RNF180: variants seen among roughly 807,000 people sequenced by gnomAD.
RNF180 encodes ring finger protein 180.
Under a neutral mutation model 59.2 loss-of-function variants are expected in RNF180, and 38 were observed. The observed-to-expected ratio is 0.64, with a 90% confidence interval of 0.50 to 0.84. The LOEUF (loss-of-function observed/expected upper bound fraction) is 0.84. RNF180 is among the 40% of genes least tolerant of loss of function. The pLI is 0.00. For missense variants in RNF180, 705 were observed against 700.9 expected (o/e 1.01, Z -0.07); for synonymous variants, 262 against 240.3 (o/e 1.09, Z -0.84).
intron 5 of RNF180, among the ~76,000 whole-genome samples, chr5:64,234,879 G>A (rs574667069): frequency 3.3e-5 from 5 of 152,096 alleles, no homozygotes; most frequent in South Asian, 4.1e-4. Flanking sequence ...GATTACAGGC[G>A]TGAGCCACTG....
At chr5:64,193,951 A>G (rs948135744) in intron 1 of RNF180, among the ~76,000 whole-genome samples, 1 of 152,294 alleles carries the variant, frequency 6.6e-6, no homozygotes. Context: ...GCATGAGGTT[A>G]TATTGATGAG....
intron 6 of RNF180, among the ~76,000 whole-genome samples, chr5:64,326,652 A>G (rs1476993454): frequency 2.6e-5 from 4 of 152,068 alleles, no homozygotes; most frequent in African/African-American, 4.8e-5. Context: ...CCATCCTTGC[A>G]TTTGTTGGAT....
chr5:64,175,157 G>T (rs1750164966), intron 1 of RNF180, among the ~76,000 whole-genome samples: 1 of 151,734 alleles, frequency 6.6e-6, no homozygotes, highest in Non-Finnish European at 1.5e-5. Context: ...AGTAAAGATG[G>T]GGTTTCTCCA....
chr5:64,323,814 G>T (rs1744492704), intron 5 of RNF180, among the ~76,000 whole-genome samples: 2 of 152,156 alleles, frequency 1.3e-5, no homozygotes, highest in Admixed American at 6.5e-5. Flanking sequence ...TTTCACAAAT[G>T]AGGAAGTTGT....
intron 5 of RNF180, among the ~76,000 whole-genome samples, chr5:64,278,242 C>T (rs569191444): frequency 1.3e-5 from 2 of 152,170 alleles, no homozygotes; most frequent in East Asian, 1.9e-4. Context: ...TCTCATCCAC[C>T]GGTTAGTAAT....
chr5:64,317,325 GTAT>G (rs764482868), intron 5 of RNF180, among the ~76,000 whole-genome samples: 4 of 151,954 alleles, frequency 2.6e-5, no homozygotes, highest in African/African-American at 9.7e-5. Context: ...GTGTGCAATA[GTAT>G]TATGTGTAAA....
chr5:64,208,200 C>A (rs1353078635), intron 2 of RNF180, among the ~76,000 whole-genome samples: 1 of 152,000 alleles, frequency 6.6e-6, no homozygotes, highest in Non-Finnish European at 1.5e-5. Context: ...CAAATTATTT[C>A]ATTTACAAAC....
intron 1 of RNF180, among the ~76,000 whole-genome samples, chr5:64,169,777 A>C (rs1216629347): frequency 6.6e-6 from 1 of 152,242 alleles, no homozygotes; most frequent in African/African-American, 2.4e-5. Context: ...GTTAATACCT[A>C]GTATAACTTT....
intron 5 of RNF180, among the ~76,000 whole-genome samples, chr5:64,317,589 C>T (rs910626783): frequency 7.2e-6 from 1 of 138,164 alleles, no homozygotes; most frequent in African/African-American, 3.0e-5. Context: ...CATATATATA[C>T]ATATTTATAC....
At chr5:64,247,768 C>T (rs1175368801) in intron 5 of RNF180, among the ~76,000 whole-genome samples, 9 of 152,198 alleles carry the variant, frequency 5.9e-5, no homozygotes, top group Admixed American at 5.9e-4. Flanking sequence ...CTTTAAATTT[C>T]TTATGGAACC....
At chr5:64,230,191 A>G (rs1274964815) in intron 5 of RNF180, among the ~76,000 whole-genome samples, 1 of 152,224 alleles carries the variant, frequency 6.6e-6, no homozygotes, top group Non-Finnish European at 1.5e-5. Context: ...TTTTAAGGAA[A>G]TGAAGGTACT....
intron 1 of RNF180, among the ~76,000 whole-genome samples, chr5:64,174,859 A>G (rs1750141502): frequency 6.6e-6 from 1 of 151,998 alleles, no homozygotes; most frequent in Admixed American, 6.6e-5. Context: ...GTCTTATCCA[A>G]AAAATCATTG....
chr5:64,194,246 C>T (rs1395002567), intron 1 of RNF180, among the ~76,000 whole-genome samples: 4 of 152,024 alleles, frequency 2.6e-5, no homozygotes, highest in African/African-American at 9.7e-5. Flanking sequence ...TGAGTGAGAA[C>T]ATGCAGTGTT....
chr5:64,353,102 A>G (rs556724427), intron 7 of RNF180, among the ~76,000 whole-genome samples: 5 of 151,848 alleles, frequency 3.3e-5, no homozygotes, highest in South Asian at 2.1e-4. Context: ...TCTCTAGGCT[A>G]TATTTGCTGT....
intron 1 of RNF180, among the ~76,000 whole-genome samples, chr5:64,187,137 C>G (rs1403526141): frequency 1.3e-5 from 2 of 152,078 alleles, no homozygotes; most frequent in African/African-American, 4.8e-5. Context: ...GCATTCAAGA[C>G]TAAGTGCCTG....
At chr5:64,181,101 G>A (rs2111944059) in intron 1 of RNF180, among the ~76,000 whole-genome samples, 1 of 152,266 alleles carries the variant, frequency 6.6e-6, no homozygotes, top group Admixed American at 6.5e-5. Context: ...GAAAAATGAA[G>A]GCTGGATGAC....
At chr5:64,166,499 G>T (rs1749649036) in intron 1 of RNF180, among the ~76,000 whole-genome samples, 1 of 152,096 alleles carries the variant, frequency 6.6e-6, no homozygotes, top group South Asian at 2.1e-4. Context: ...ACGACTTTCT[G>T]CTAGGCAGAG....
At position 64,337,004 on chromosome 5, in the gene RNF180, G is replaced by GT. The variant is rs926765536; in HGVS notation, c.1579+6608dup. ...ACTTTGATTTTCTTTTTTTGTTGTT[G>GT]TTTTTTTTTTGTTTTTGTTTTTGTT... On this transcript the variant is annotated intron_variant, in intron 7 of 7. Coordinates refer to ENST00000389100, the MANE Select transcript of RNF180 (RefSeq NM_001113561.2). Among the ~76,000 whole-genome samples, 698 of 143,848 alleles carry GT rather than the reference G, an allele frequency of 4.9e-3. 4 individuals carry two copies. The highest frequency in any genetic ancestry group is 0.013 in the African/African-American group (524 of 39,414). The allele number at this position is 143,848 out of a possible 152,430, so 94.4% of individuals were successfully genotyped here. A position where few individuals can be genotyped will look rare whatever the true frequency, so the allele number is the denominator to read the frequency against.
intron 7 of RNF180, among the ~76,000 whole-genome samples, chr5:64,350,451 G>T (rs1745753452): frequency 6.6e-6 from 1 of 152,054 alleles, no homozygotes; most frequent in Non-Finnish European, 1.5e-5. Flanking sequence ...TGTTGCCATT[G>T]CTTTTGGTGT....
Sources: allele counts gnomAD v4.1 joint callset (sites outside exome capture counted in the v4.1 genomes callset), GRCh38; gene constraint gnomAD v4.1.1; transcripts MANE v1.5; gene names NCBI Gene and HGNC (gene_info 2026-07-23, HGNC 2026-07-21).